Variants in VPS35L observed in about 807,000 individuals in gnomAD.
VPS35L encodes the protein VPS35 endosomal protein sorting factor like.
In VPS35L, 83 loss-of-function variants were observed where a neutral mutation model predicts 133.0. The observed-to-expected ratio is 0.62, with a 90% CI of 0.52 to 0.75. VPS35L has a LOEUF of 0.75. Among genes scored for constraint, VPS35L ranks in the 30% least tolerant of loss-of-function variants. The pLI, the probability that VPS35L is intolerant of heterozygous loss-of-function variation, is 0.00. For missense variants in VPS35L, 1,083 were observed against 1,206.8 expected (o/e 0.90, Z 1.52); for synonymous variants, 423 against 449.9 (o/e 0.94, Z 0.76).
intron 2 of VPS35L, chr16:19,569,182 C>A: frequency 1.6e-6 from 1 of 638,794 alleles, no homozygotes; most frequent in East Asian, 3.3e-5. Context: ...AGTCCAGTGA[C>A]CTCTCAATTA....
At chr16:19,683,926 G>A (rs891191515) in intron 28 of VPS35L, among the ~76,000 whole-genome samples, 1 of 152,226 alleles carries the variant, frequency 6.6e-6, no homozygotes, top group Non-Finnish European at 1.5e-5. Flanking sequence ...CTGACAGAGT[G>A]TTAAGTGTTC....
rs556949365 is a variant in VPS35L, at chr16:19,628,732, C to T, written c.1479C>T (p.Ile493=). 4.0e-5 allele frequency: 63 copies of T among 1,574,890 alleles called. 1 individual carries two copies. The South Asian group carries it at 6.9e-4, about 17-fold the overall frequency. The change falls in exon 17 of 31, where the codon ATC becomes ATT. Residue 493 remains isoleucine (I), a synonymous_variant. Transcript: ENST00000417362. Reference sequence around the variant, plus strand: ...TTCTCAACGAAGCTTGGAAAGTCATCACTAAGCTGAAGAACCCACAGGTGA... The same window carrying T: ...TTCTCAACGAAGCTTGGAAAGTCATTACTAAGCTGAAGAACCCACAGGTGA... The part of the protein sequence containing the change: ...LQILNEAWKV[I]TKLKNPQDYI...
chr16:19,642,372 C>G lies in VPS35L; in HGVS notation c.1785-24C>G, dbSNP rs570387130. Reference sequence around the variant, plus strand: ...GTGCTGTCAGTGGACAAAACTTTGACTTTTATCTTTAAATGTCTCCTAGGC... The same window carrying G: ...GTGCTGTCAGTGGACAAAACTTTGAGTTTTATCTTTAAATGTCTCCTAGGC... On this transcript the variant is annotated intron_variant, in intron 21 of 30. Transcript: ENST00000417362. The G allele has an allele frequency of 1.2e-4, 191 of 1,606,516 alleles. 1 individual carries two copies. The South Asian group carries it at 2.1e-3, about 17-fold the overall frequency.
intron 26 of VPS35L, among the ~76,000 whole-genome samples, chr16:19,665,498 G>A (rs115739217): frequency 0.042 from 6,408 of 152,240 alleles, 428 homozygotes; most frequent in African/African-American, 0.14. Flanking sequence ...CCATGTTGTT[G>A]CAAATGACAG....
chr16:19,672,871 A>T (rs1974923846), intron 27 of VPS35L, among the ~76,000 whole-genome samples: 1 of 152,248 alleles, frequency 6.6e-6, no homozygotes, highest in Non-Finnish European at 1.5e-5. Flanking sequence ...GAAAAAAATC[A>T]GGGTTTTGAA....
At chr16:19,557,276 A>C (rs534534393) in intron 1 of VPS35L, among the ~76,000 whole-genome samples, 1 of 152,342 alleles carries the variant, frequency 6.6e-6, no homozygotes, top group East Asian at 1.9e-4. Context: ...TCTGCATCCC[A>C]GTACATTTCT....
intron 1 of VPS35L, 94 bp from the exon 2 acceptor site, chr16:19,564,757 C>G (rs1597304004): frequency 1.1e-6 from 1 of 870,256 alleles, no homozygotes; most frequent in East Asian, 2.6e-5. Flanking sequence ...TTGTGCTGTT[C>G]TAAACTACCT....
At chr16:19,578,471 C>T (rs1407129541) in intron 5 of VPS35L, 6 of 368,402 alleles carry the variant, frequency 1.6e-5, no homozygotes, top group Non-Finnish European at 3.2e-5. Flanking sequence ...GATGCATCGC[C>T]CTGCCTTGTG....
chr16:19,682,499 A>G, intron 28 of VPS35L, 109 bp downstream of exon 28: 1 of 1,218,926 alleles, frequency 8.2e-7, no homozygotes, highest in Non-Finnish European at 1.1e-6. Context: ...TTTAGCTTCC[A>G]TGAACTTCTA....
intron 25 of VPS35L, 32 bp from the exon 26 acceptor site, chr16:19,651,944 T>C (rs748851814): frequency 6.8e-7 from 1 of 1,462,740 alleles, no homozygotes; most frequent in Non-Finnish European, 9.6e-7. Flanking sequence ...ACCGTTGCAC[T>C]GCTAGCGTTA....
At chr16:19,599,729 C>T (rs1436363007) in intron 8 of VPS35L, among the ~76,000 whole-genome samples, 1 of 152,016 alleles carries the variant, frequency 6.6e-6, no homozygotes, top group East Asian at 1.9e-4. Context: ...CAACAAGTGC[C>T]TTCAGGAAAT....
In VPS35L at chr16:19,686,822, C is replaced by T. The variant is rs60312475; in HGVS notation, c.2527+4432C>T. 9.2e-3 allele frequency among the ~76,000 whole-genome samples: 1,396 copies of T among 152,166 alleles called. 15 individuals are homozygous for T. Among genetic ancestry groups the T allele is most frequent in the African/African-American group, 0.032 (1,313 of 41,520 alleles). ...TTTTCCCACTTCTGCTAGCGAATTCCACCTTTAGGACTCAGTCCAGGTCTC... is the reference window on the plus strand; with the variant it reads ...TTTTCCCACTTCTGCTAGCGAATTCTACCTTTAGGACTCAGTCCAGGTCTC... On this transcript the variant is annotated intron_variant, in intron 28 of 30. Coordinates refer to ENST00000417362, the MANE Select transcript of VPS35L (RefSeq NM_020314.7).
intron 2 of VPS35L, among the ~76,000 whole-genome samples, chr16:19,565,718 A>G (rs1971168705): frequency 1.3e-5 from 2 of 152,094 alleles, no homozygotes; most frequent in Admixed American, 6.5e-5. Context: ...ACCTAGCACC[A>G]TTTTTACTCC....
chr16:19,562,290 C>T (rs940689083), intron 1 of VPS35L, among the ~76,000 whole-genome samples: 1 of 152,008 alleles, frequency 6.6e-6, no homozygotes, highest in African/African-American at 2.4e-5. Flanking sequence ...ATATTGAGGG[C>T]AGCTGGATAT....
chr16:19,571,974 C>T (rs1971399347), intron 3 of VPS35L, among the ~76,000 whole-genome samples: 1 of 152,056 alleles, frequency 6.6e-6, no homozygotes, highest in South Asian at 2.1e-4. Context: ...TTTTAATTTA[C>T]CATTCCTCTA....
At chr16:19,569,787 C>T (rs1241420778) in intron 3 of VPS35L, among the ~76,000 whole-genome samples, 196 bp downstream of exon 3, 1 of 150,612 alleles carries the variant, frequency 6.6e-6, no homozygotes, top group Non-Finnish European at 1.5e-5. Context: ...TCCCACCTCA[C>T]CCTCCTGAAT....
At chr16:19,555,793 T>C in intron 1 of VPS35L, 47 bp downstream of exon 1, 1 of 1,534,760 alleles carries the variant, frequency 6.5e-7, no homozygotes, top group Non-Finnish European at 8.7e-7. Context: ...CTGTCCTTAC[T>C]TGTGATGGGG....
At chr16:19,584,514 C>A (rs1178283952) in intron 7 of VPS35L, among the ~76,000 whole-genome samples, 1 of 151,430 alleles carries the variant, frequency 6.6e-6, no homozygotes, top group East Asian at 2.0e-4. Flanking sequence ...GTAATCTCAG[C>A]TACTTGGGAA....
rs1269571728 is a variant in VPS35L, at chr16:19,610,675, AG to A, written c.1023+261del. The A allele has an allele frequency of 4.5e-5, 14 of 311,814 alleles. No homozygotes were observed. The Admixed American group carries it at 7.0e-4, about 16-fold the overall frequency. 19.3% of individuals were successfully genotyped at this position (311,814 alleles called of 1,614,324 possible). Reference sequence around the variant, plus strand: ...TCTTCTTACAAATGAACTGGTTTTCAGAAGTAATTGTTTCTCAGTTCTTGCT... The same window carrying A: ...TCTTCTTACAAATGAACTGGTTTTCAAAGTAATTGTTTCTCAGTTCTTGCT... On this transcript the variant is annotated intron_variant, in intron 12 of 30. Coordinates refer to ENST00000417362, the MANE Select transcript of VPS35L (RefSeq NM_020314.7).
Sources: allele counts gnomAD v4.1 joint callset (sites outside exome capture counted in the v4.1 genomes callset), GRCh38; gene constraint gnomAD v4.1.1; transcripts MANE v1.5; gene names NCBI Gene and HGNC (gene_info 2026-07-23, HGNC 2026-07-21).